AKAP6: variants seen among roughly 807,000 people sequenced by gnomAD.
AKAP6 encodes A-kinase anchor protein 6.
A neutral mutation model predicts 188.5 loss-of-function variants in AKAP6; 58 were observed. That is an observed-to-expected ratio of 0.31 (90% CI 0.25 to 0.38). AKAP6 has a LOEUF of 0.38. Among genes scored for constraint, AKAP6 ranks in the 10% least tolerant of loss-of-function variants. The probability of loss-of-function intolerance (pLI) is 1.00; values close to 1 mark genes in which losing one functional copy is unlikely to be tolerated. For missense variants in AKAP6, 2,710 were observed against 2,740.0 expected (o/e 0.99, Z 0.24); for synonymous variants, 989 against 998.6 (o/e 0.99, Z 0.18).
chr14:32,441,996 G>A (rs1890590942), intron 2 of AKAP6, among the ~76,000 whole-genome samples: 1 of 152,166 alleles, frequency 6.6e-6, no homozygotes, highest in African/African-American at 2.4e-5. Flanking sequence ...AACAACAATA[G>A]CTATCTGTTT....
intron 9 of AKAP6, among the ~76,000 whole-genome samples, chr14:32,698,994 A>T (rs1890517528): frequency 1.3e-5 from 2 of 152,110 alleles, no homozygotes; most frequent in Non-Finnish European, 2.9e-5. Context: ...TTCATCACTC[A>T]ACCCCTTTCC....
In AKAP6 at chr14:32,498,803, C is replaced by G. The variant is rs117826540; in HGVS notation, c.325-36751C>G. On this transcript the variant is annotated intron_variant, in intron 2 of 13. Coordinates refer to ENST00000280979, the MANE Select transcript of AKAP6 (RefSeq NM_004274.5). ...AGGACATCCCTTGGCCTCACAAGATCTCTCAAGGTGTAAGAGCCAAAAACA... is the reference window on the plus strand; with the variant it reads ...AGGACATCCCTTGGCCTCACAAGATGTCTCAAGGTGTAAGAGCCAAAAACA... 5.1e-3 allele frequency among the ~76,000 whole-genome samples: 775 copies of G among 152,270 alleles called. 4 individuals carry two copies. Among genetic ancestry groups the G allele is most frequent in the East Asian group, 0.024 (126 of 5,184 alleles).
At chr14:32,686,074 T>C (rs1285858513) in intron 8 of AKAP6, among the ~76,000 whole-genome samples, 1 of 152,210 alleles carries the variant, frequency 6.6e-6, no homozygotes, top group Non-Finnish European at 1.5e-5. Context: ...AAAGAAAATA[T>C]AGCACTTATA....
intron 2 of AKAP6, among the ~76,000 whole-genome samples, chr14:32,487,441 G>A (rs954580385): frequency 6.6e-6 from 1 of 152,142 alleles, no homozygotes; most frequent in Non-Finnish European, 1.5e-5. Flanking sequence ...AGCAGTTCCT[G>A]TAAGCTTTTA....
intron 11 of AKAP6, among the ~76,000 whole-genome samples, chr14:32,751,213 A>C (rs778536116): frequency 6.6e-6 from 1 of 152,006 alleles, no homozygotes; most frequent in Non-Finnish European, 1.5e-5. Flanking sequence ...AGTACTGGCT[A>C]TTGGATCATC....
chr14:32,439,131 A>G (rs1474014385), intron 2 of AKAP6: 1 of 152,222 alleles, frequency 6.6e-6, no homozygotes, highest in East Asian at 1.9e-4. Context: ...AGTAGTCAAC[A>G]GAGACTCTGT....
intron 4 of AKAP6, among the ~76,000 whole-genome samples, chr14:32,560,031 A>C (rs1883882025): frequency 6.6e-6 from 1 of 152,130 alleles, no homozygotes; most frequent in South Asian, 2.1e-4. Flanking sequence ...GAAAGGAGTC[A>C]AAAAGAGTTG....
intron 2 of AKAP6, among the ~76,000 whole-genome samples, chr14:32,448,626 T>TA (rs757844493): frequency 2.0e-5 from 3 of 152,196 alleles, no homozygotes; most frequent in Non-Finnish European, 4.4e-5. Context: ...TTTAGATTGG[T>TA]AATTTTTTGA....
At chr14:32,436,624 C>T (rs1269602445) in intron 2 of AKAP6, among the ~76,000 whole-genome samples, 2 of 152,164 alleles carry the variant, frequency 1.3e-5, no homozygotes, top group African/African-American at 2.4e-5. Context: ...TTATTCTCCA[C>T]CCAGTAGCCA....
Position 32,823,296 on chromosome 14 carries a change from G to A in AKAP6, c.5483G>A (p.Ser1828Asn), listed in dbSNP as rs1224768800. The A allele has an allele frequency of 6.2e-7, 1 of 1,613,830 alleles. No individual in the cohort carries two copies. Among genetic ancestry groups the A allele is most frequent in the Non-Finnish European group, 8.5e-7 (1 of 1,179,922 alleles). ...RCNVSDEMKG[S>N]KDISSSEMTN... The stretch of plus-strand genomic sequence containing the variant: ...AATGTCAGTGATGAGATGAAGGGCA[G>A]TAAAGATATAAGTAGCAGTGAGATG... Residue 1828 changes from serine to asparagine, a missense_variant, in exon 13 of 14, where the codon AGT (serine) becomes AAT (asparagine). Around this residue, in one of 2 missense-constraint regions of AKAP6, gnomAD observed 2,473 missense variants for 2,426.1 expected, o/e 1.02. Transcript: ENST00000280979.
At chr14:32,827,431 C>G (rs2034702581) in intron 13 of AKAP6, among the ~76,000 whole-genome samples, 1 of 151,372 alleles carries the variant, frequency 6.6e-6, no homozygotes, top group African/African-American at 2.4e-5. Flanking sequence ...CTTAGAATAG[C>G]AGATAGAGTC....
At chr14:32,364,368 C>T (rs1887760323) in intron 1 of AKAP6, among the ~76,000 whole-genome samples, 1 of 152,078 alleles carries the variant, frequency 6.6e-6, no homozygotes, top group South Asian at 2.1e-4. Context: ...ATTTGACTGG[C>T]TTGTAGAGTG....
At chr14:32,523,165 C>T (rs1404925921) in intron 2 of AKAP6, among the ~76,000 whole-genome samples, 27 of 105,676 alleles carry the variant, frequency 2.6e-4, no homozygotes, top group Non-Finnish European at 3.7e-4. Context: ...CATCACACAC[C>T]GGGGCCTGTC....
intron 7 of AKAP6, among the ~76,000 whole-genome samples, chr14:32,665,778 A>T (rs1888908212): frequency 6.6e-6 from 1 of 152,186 alleles, no homozygotes; most frequent in Non-Finnish European, 1.5e-5. Context: ...TGGCTATGGG[A>T]GTTAGAAGCC....
At chr14:32,632,821 T>A (rs1315037444) in intron 7 of AKAP6, among the ~76,000 whole-genome samples, 2 of 152,150 alleles carry the variant, frequency 1.3e-5, no homozygotes, top group African/African-American at 4.8e-5. Context: ...AATGACTTTC[T>A]AAGAACATCA....
chr14:32,768,676 C>A (rs2032791721), intron 11 of AKAP6, among the ~76,000 whole-genome samples: 2 of 152,130 alleles, frequency 1.3e-5, no homozygotes, highest in African/African-American at 4.8e-5. Context: ...TATTTTTATA[C>A]TTTAAAAAGT....
rs746239605 is a variant in AKAP6 at position 32,413,174 on chromosome 14, AATTTT to A, written c.-34-20285_-34-20281del. On this transcript the variant is annotated intron_variant, in intron 1 of 13. Transcript: ENST00000280979. ...GGGACAAAAAGAAAGTATTTATTGAAATTTTTTTTTTTTTTTTTTTTTTTTTAGAT... is the reference window on the plus strand; with the variant it reads ...GGGACAAAAAGAAAGTATTTATTGAATTTTTTTTTTTTTTTTTTTTTAGAT... Among the ~76,000 whole-genome samples the A allele has an allele frequency of 8.1e-3, 1,065 of 131,160 alleles. 37 individuals carry two copies. Among genetic ancestry groups the A allele is most frequent in the Middle Eastern group, 0.025 (6 of 240 alleles). The allele number at this position is 131,160 out of a possible 152,430, so 86.0% of individuals were successfully genotyped here. A position where few individuals can be genotyped will look rare whatever the true frequency, so the allele number is the denominator to read the frequency against.
At chr14:32,707,770 C>T (rs1290952356) in intron 9 of AKAP6, among the ~76,000 whole-genome samples, 1 of 152,000 alleles carries the variant, frequency 6.6e-6, no homozygotes, top group Admixed American at 6.6e-5. Context: ...TATTTTTATG[C>T]TGTGATAATT....
intron 1 of AKAP6, among the ~76,000 whole-genome samples, chr14:32,368,277 G>GT (rs1392207656): frequency 6.6e-6 from 1 of 152,214 alleles, no homozygotes; most frequent in Non-Finnish European, 1.5e-5. Flanking sequence ...CTTTAAGATC[G>GT]TATCAGCCTA....
Sources: allele counts gnomAD v4.1 joint callset (sites outside exome capture counted in the v4.1 genomes callset), GRCh38; gene constraint gnomAD v4.1.1; regional missense constraint gnomAD v4.1.1; transcripts MANE v1.5; gene names NCBI Gene and HGNC (gene_info 2026-07-23, HGNC 2026-07-21).